The following MAF variants were observed in gnomAD, a reference collection of about 807,000 sequenced individuals.
The protein encoded by MAF is transcription factor Maf.
In MAF, 10 loss-of-function variants were observed where a neutral mutation model predicts 22.0. The observed-to-expected ratio is 0.45, with a 90% confidence interval of 0.28 to 0.77. The LOEUF is 0.77. Ranked by LOEUF, MAF falls within the 30% of genes least tolerant of loss-of-function variation. MAF has a pLI of 0.12. For synonymous variants in MAF, 337 were observed against 255.8 expected, an observed-to-expected ratio of 1.32 and a Z score of -3.03; for missense variants, 544 against 548.4, an observed-to-expected ratio of 0.99 and a Z score of 0.08.
chr16:79,594,609 G>A (rs760224480), intron 1 of MAF, 56 bp from the exon 2 acceptor site: 159 of 1,546,502 alleles, frequency 1.0e-4, no homozygotes, highest in Middle Eastern at 1.7e-4. Flanking sequence ...CAAACGCAGC[G>A]TAAAGGGGAA....
chr16:79,402,525 C>CG, the MAF span, among the ~76,000 whole-genome samples: 5 of 152,106 alleles, frequency 3.3e-5, no homozygotes, highest in East Asian at 1.9e-4. Flanking sequence ...GTGGGTGTGA[C>CG]GGGGGAGAGG....
At chr16:79,284,379 C>T in the MAF span, among the ~76,000 whole-genome samples, 2 of 152,162 alleles carry the variant, frequency 1.3e-5, no homozygotes, top group African/African-American at 2.4e-5. Context: ...GCAACATCAC[C>T]CCTTAGAGGG....
At chr16:79,317,851 C>G in the MAF span, among the ~76,000 whole-genome samples, 21 of 152,320 alleles carry the variant, frequency 1.4e-4, no homozygotes, top group South Asian at 4.3e-3. Context: ...TTCTAGCCCC[C>G]AGCCCCTGCT....
chr16:79,481,372 AT>A, the MAF span, among the ~76,000 whole-genome samples: 1 of 151,994 alleles, frequency 6.6e-6, no homozygotes, highest in African/African-American at 2.4e-5. Flanking sequence ...AATTTAGAAC[AT>A]TTTTACCACC....
the MAF span, among the ~76,000 whole-genome samples, chr16:79,241,354 T>C: frequency 5.9e-5 from 9 of 152,094 alleles, no homozygotes; most frequent in South Asian, 2.1e-4. Context: ...ATAAATGACA[T>C]GATTGAGCTG....
chr16:79,400,854 G>T, the MAF span, among the ~76,000 whole-genome samples: 1 of 152,248 alleles, frequency 6.6e-6, no homozygotes, highest in Non-Finnish European at 1.5e-5. Context: ...TTGAGAAATG[G>T]CCTGGGGTAT....
intron 1 of MAF, chr16:79,596,809 T>C (rs1913554584): frequency 9.5e-7 from 1 of 1,049,276 alleles, no homozygotes; most frequent in Non-Finnish European, 1.2e-6. Context: ...TAAAAAAATC[T>C]GCATCATCTT....
At chr16:79,570,161 A>G in the MAF span, among the ~76,000 whole-genome samples, 1 of 152,110 alleles carries the variant, frequency 6.6e-6, no homozygotes, top group African/African-American at 2.4e-5. Flanking sequence ...GCTGTTGGAC[A>G]TATCTGCAAG....
chr16:79,393,925 A>C, the MAF span, among the ~76,000 whole-genome samples: 1 of 152,368 alleles, frequency 6.6e-6, no homozygotes, highest in South Asian at 2.1e-4. Flanking sequence ...TATGCTTTTA[A>C]GTATTTCCAT....
the MAF span, among the ~76,000 whole-genome samples, chr16:79,579,259 A>G: frequency 6.6e-6 from 1 of 152,254 alleles, no homozygotes. Context: ...AAGTTCATTA[A>G]AGAAAATGTG....
the MAF span, among the ~76,000 whole-genome samples, chr16:79,351,928 G>A: frequency 0.075 from 11,338 of 152,166 alleles, 443 homozygotes; most frequent in Middle Eastern, 0.095. Flanking sequence ...AAAAAGCCAA[G>A]CCACTAGTTT....
At chr16:79,341,573 G>C in the MAF span, among the ~76,000 whole-genome samples, 2 of 152,196 alleles carry the variant, frequency 1.3e-5, no homozygotes, top group Admixed American at 6.5e-5. Flanking sequence ...CCCACCCCTG[G>C]AGTGACTATA....
chr16:79,591,511 GA>G (rs1364037399), downstream of MAF, among the ~76,000 whole-genome samples: 1 of 152,216 alleles, frequency 6.6e-6, no homozygotes, highest in Non-Finnish European at 1.5e-5. Flanking sequence ...GAAGGAAAAG[GA>G]AACGAATTGT....
the MAF span, among the ~76,000 whole-genome samples, chr16:79,354,659 T>C: frequency 6.6e-6 from 1 of 152,208 alleles, no homozygotes; most frequent in Non-Finnish European, 1.5e-5. Flanking sequence ...GATAGCAATG[T>C]GCCATTTTAT....
chr16:79,487,674 G>C, the MAF span, among the ~76,000 whole-genome samples: 1 of 152,130 alleles, frequency 6.6e-6, no homozygotes, highest in South Asian at 2.1e-4. Flanking sequence ...TATGCAAAAG[G>C]TTAATGTGAA....
the MAF span, among the ~76,000 whole-genome samples, chr16:79,377,127 T>G: frequency 6.6e-6 from 1 of 152,238 alleles, no homozygotes; most frequent in South Asian, 2.1e-4. Flanking sequence ...TGAACTAGTT[T>G]ACAGTCCCAC....
chr16:79,319,993 A>G, the MAF span, among the ~76,000 whole-genome samples: 1 of 152,194 alleles, frequency 6.6e-6, no homozygotes, highest in African/African-American at 2.4e-5. Flanking sequence ...AGATTCTAAG[A>G]TCCAGCCCAG....
At chr16:79,228,172 T>A in the MAF span, among the ~76,000 whole-genome samples, 1 of 152,020 alleles carries the variant, frequency 6.6e-6, no homozygotes, top group Non-Finnish European at 1.5e-5. Context: ...CAAAGGGAGG[T>A]TGGGATTATA....
chr16:79,524,192 C>T, the MAF span, among the ~76,000 whole-genome samples: 10 of 152,176 alleles, frequency 6.6e-5, no homozygotes, highest in Non-Finnish European at 1.2e-4. Context: ...TCAGTTTCAA[C>T]GGGAGAGCAG....
Sources: gnomAD v4.1 joint callset for allele counts (sites outside exome capture counted in the v4.1 genomes callset) on GRCh38, gnomAD v4.1.1 for gene constraint, MANE v1.5 for transcripts, NCBI Gene and HGNC (gene_info 2026-07-23, HGNC 2026-07-21) for gene names.